Variants in SAMTOR observed in about 807,000 individuals in gnomAD.
SAMTOR encodes S-adenosylmethionine sensor upstream of mTORC1.
chr7:112,868,361 C>A, the SAMTOR span, among the ~76,000 whole-genome samples: 1 of 152,188 alleles, frequency 6.6e-6, no homozygotes, highest in African/African-American at 2.4e-5. Context: ...ACCCTAGACC[C>A]TGGGGAGGAG....
chr7:112,898,410 AAGG>A, the SAMTOR span, among the ~76,000 whole-genome samples: 1 of 151,910 alleles, frequency 6.6e-6, no homozygotes, highest in East Asian at 1.9e-4. Flanking sequence ...CACTTGGGGC[AAGG>A]AGAGGAAGAG....
At chr7:112,936,210 A>T in the SAMTOR span, among the ~76,000 whole-genome samples, 1 of 152,178 alleles carries the variant, frequency 6.6e-6, no homozygotes, top group Non-Finnish European at 1.5e-5. Flanking sequence ...ATATAACCTC[A>T]CTTTAAAAGA....
chr7:112,932,070 C>A, the SAMTOR span, among the ~76,000 whole-genome samples: 3 of 151,956 alleles, frequency 2.0e-5, no homozygotes, highest in African/African-American at 7.3e-5. Context: ...GGACTACAGG[C>A]ACATGCCACC....
chr7:112,874,396 A>G, the SAMTOR span, among the ~76,000 whole-genome samples: 2 of 152,270 alleles, frequency 1.3e-5, no homozygotes, highest in African/African-American at 2.4e-5. Context: ...CAGCAACATG[A>G]TGCAGCTGGA....
At chr7:112,900,597 C>CAG in the SAMTOR span, among the ~76,000 whole-genome samples, 1,619 of 152,142 alleles carry the variant, frequency 0.011, 29 homozygotes, top group African/African-American at 0.037. Flanking sequence ...ACAATATTGA[C>CAG]AGAAAAACAA....
At chr7:112,876,228 A>C in the SAMTOR span, among the ~76,000 whole-genome samples, 1 of 152,154 alleles carries the variant, frequency 6.6e-6, no homozygotes, top group African/African-American at 2.4e-5. Context: ...CCAAAGTGCT[A>C]GAATTACAGG....
At chr7:112,939,812 A>C in the SAMTOR span, 1 of 1,340,476 alleles carries the variant, frequency 7.5e-7, no homozygotes, top group South Asian at 1.3e-5. Context: ...CAGATGGAGG[A>C]GGTGGGGTAG....
chr7:112,879,255 A>C, the SAMTOR span, among the ~76,000 whole-genome samples: 1 of 151,080 alleles, frequency 6.6e-6, no homozygotes, highest in Non-Finnish European at 1.5e-5. Flanking sequence ...TGGAATAATC[A>C]GCATATATGT....
At chr7:112,863,646 CAT>C in the SAMTOR span, among the ~76,000 whole-genome samples, 2 of 152,274 alleles carry the variant, frequency 1.3e-5, no homozygotes, top group South Asian at 4.1e-4. Context: ...CTAAAGATGA[CAT>C]ACACACAGCC....
the SAMTOR span, chr7:112,820,414 A>G: frequency 6.6e-6 from 1 of 152,486 alleles, no homozygotes; most frequent in South Asian, 2.1e-4. Context: ...GAAATCTGAA[A>G]CTGTGATATT....
chr7:112,911,689 G>A, the SAMTOR span, among the ~76,000 whole-genome samples: 3 of 151,136 alleles, frequency 2.0e-5, no homozygotes, highest in Non-Finnish European at 4.4e-5. Context: ...CAACCCAAAT[G>A]GACAAAAACA....
At chr7:112,866,700 A>C in the SAMTOR span, among the ~76,000 whole-genome samples, 2 of 152,108 alleles carry the variant, frequency 1.3e-5, no homozygotes, top group African/African-American at 4.8e-5. Flanking sequence ...CTGCCCCATA[A>C]ACTTCATGGT....
At chr7:112,868,962 C>T in the SAMTOR span, among the ~76,000 whole-genome samples, 25 of 152,158 alleles carry the variant, frequency 1.6e-4, no homozygotes, top group African/African-American at 4.6e-4. Context: ...TGGTTGGTTG[C>T]GGGACAGTAG....
At chr7:112,928,193 A>T in the SAMTOR span, among the ~76,000 whole-genome samples, 1 of 152,046 alleles carries the variant, frequency 6.6e-6, no homozygotes, top group African/African-American at 2.4e-5. Context: ...TCTACATAAC[A>T]TCCAGAAGCG....
At chr7:112,934,689 T>C in the SAMTOR span, among the ~76,000 whole-genome samples, 2 of 152,234 alleles carry the variant, frequency 1.3e-5, no homozygotes, top group Non-Finnish European at 2.9e-5. Context: ...GGAGCTTTTA[T>C]ATATACAGAT....
At chr7:112,846,789 ATC>A in the SAMTOR span, among the ~76,000 whole-genome samples, 3 of 152,174 alleles carry the variant, frequency 2.0e-5, no homozygotes, top group Non-Finnish European at 2.9e-5. Flanking sequence ...AAAAAATTGT[ATC>A]TGTTTTTATA....
the SAMTOR span, among the ~76,000 whole-genome samples, chr7:112,873,102 G>A: frequency 6.6e-6 from 1 of 151,940 alleles, no homozygotes; most frequent in Non-Finnish European, 1.5e-5. Context: ...CCATGCTCAT[G>A]AACTGGATGA....
At chr7:112,868,087 CT>C in the SAMTOR span, among the ~76,000 whole-genome samples, 18 of 152,198 alleles carry the variant, frequency 1.2e-4, no homozygotes, top group Admixed American at 5.2e-4. Context: ...CCCTTCACCC[CT>C]GTCCATGGAA....
At chr7:112,882,779 A>G in the SAMTOR span, among the ~76,000 whole-genome samples, 2 of 151,650 alleles carry the variant, frequency 1.3e-5, no homozygotes, top group East Asian at 3.9e-4. Context: ...AAAAAAAAAA[A>G]AAAAAAAGAA....
Sources: allele counts gnomAD v4.1 joint callset (sites outside exome capture counted in the v4.1 genomes callset), GRCh38; gene constraint gnomAD v4.1.1; transcripts MANE v1.5; gene names NCBI Gene and HGNC (gene_info 2026-07-23, HGNC 2026-07-21).